Variants in UXS1 observed in about 807,000 individuals in gnomAD.
The protein encoded by UXS1 is UDP-glucuronic acid decarboxylase 1.
A neutral mutation model predicts 62.6 loss-of-function variants in UXS1; 33 were observed. That is an observed-to-expected ratio of 0.53 (90% CI 0.40 to 0.70). The LOEUF (loss-of-function observed/expected upper bound fraction) is 0.70. Ranked by LOEUF, UXS1 falls within the 30% of genes least tolerant of loss-of-function variation. The pLI, the probability that UXS1 is intolerant of heterozygous loss-of-function variation, is 0.00. For missense variants in UXS1, 434 were observed against 556.3 expected (o/e 0.78, Z 2.21); for synonymous variants, 213 against 206.8 (o/e 1.03, Z -0.26).
chr2:106,103,090 C>G (rs1677727079), intron 11 of UXS1: 1 of 152,436 alleles, frequency 6.6e-6, no homozygotes. Context: ...CCACGACCAT[C>G]AAAGCAGGCA....
rs1416985299 is a variant in UXS1, at chr2:106,158,169, A to G, written c.231-51T>C. On this transcript the variant is annotated intron_variant, in intron 4 of 14. Coordinates refer to ENST00000283148, the MANE Select transcript of UXS1 (RefSeq NM_001253875.2). ...GGAAAAAGTCAAACATCTCATTTGA[A>G]TATTTTCTCTGTCTACCATCAAAGC... 5 of 1,437,080 alleles carry G rather than the reference A, an allele frequency of 3.5e-6. No individual in the cohort carries two copies. The African/African-American group carries it at 7.1e-5, about 20-fold the overall frequency. The allele number at this position is 1,437,080 out of a possible 1,614,324, so 89.0% of individuals were successfully genotyped here.
intron 11 of UXS1, among the ~76,000 whole-genome samples, 164 bp downstream of exon 11, chr2:106,104,630 G>A (rs1486901454): frequency 6.6e-6 from 1 of 152,174 alleles, no homozygotes; most frequent in African/African-American, 2.4e-5. Flanking sequence ...TTTAAACAGA[G>A]AACAGCAAGT....
At chr2:106,151,259 T>C (rs975942652) in intron 5 of UXS1, among the ~76,000 whole-genome samples, 1 of 152,182 alleles carries the variant, frequency 6.6e-6, no homozygotes, top group Admixed American at 6.5e-5. Flanking sequence ...ACATTTTGCA[T>C]GTAAGAAGGA....
At chr2:106,100,127 G>A (rs927105628) in intron 12 of UXS1, among the ~76,000 whole-genome samples, 1 of 152,218 alleles carries the variant, frequency 6.6e-6, no homozygotes, top group African/African-American at 2.4e-5. Flanking sequence ...CCCCAAGGTA[G>A]GGTTAAGGGG....
chr2:106,163,345 C>A (rs1407712481), intron 4 of UXS1, among the ~76,000 whole-genome samples: 1 of 152,208 alleles, frequency 6.6e-6, no homozygotes, highest in Non-Finnish European at 1.5e-5. Context: ...TTCAGGCCCA[C>A]TGGATTGTCC....
rs550318437 is a variant in UXS1 at position 106,156,899 on chromosome 2, C to G, written c.291+1159G>C. 3.3e-5 allele frequency among the ~76,000 whole-genome samples: 5 copies of G among 152,218 alleles called. No individual in the cohort carries two copies. The East Asian group carries it at 9.6e-4, about 29-fold the overall frequency. ...AATAAACTGTGGTATATTCATATAA[C>G]AGATTATTTGGTAATAAAAATATAT... On this transcript the variant is annotated intron_variant, in intron 5 of 14. Coordinates refer to ENST00000283148, the MANE Select transcript of UXS1 (RefSeq NM_001253875.2).
chr2:106,129,851 C>G (rs1307568399), intron 6 of UXS1, 73 bp from the exon 7 acceptor site: 9 of 894,996 alleles, frequency 1.0e-5, no homozygotes, highest in African/African-American at 3.4e-5. Context: ...AGGATATATA[C>G]TGTATAATAA....
intron 1 of UXS1, among the ~76,000 whole-genome samples, chr2:106,183,261 G>C (rs1349178032): frequency 9.0e-6 from 1 of 111,344 alleles, no homozygotes; most frequent in Non-Finnish European, 1.9e-5. Flanking sequence ...AAAAAAAAAA[G>C]CAAGGTCACC....
chr2:106,124,969 G>T (rs1679809854), intron 8 of UXS1, among the ~76,000 whole-genome samples: 1 of 152,178 alleles, frequency 6.6e-6, no homozygotes, highest in African/African-American at 2.4e-5. Flanking sequence ...GGCTTCCGCT[G>T]TATCAGCTAA....
chr2:106,122,482 T>C (rs1679602761), intron 9 of UXS1, among the ~76,000 whole-genome samples: 2 of 152,154 alleles, frequency 1.3e-5, no homozygotes, highest in Non-Finnish European at 2.9e-5. Context: ...TGCTATAACA[T>C]GCAGGTGACC....
At chr2:106,180,104 G>A (rs537270303) in intron 1 of UXS1, among the ~76,000 whole-genome samples, 20 of 152,292 alleles carry the variant, frequency 1.3e-4, no homozygotes, top group South Asian at 6.2e-4. Context: ...GCGAGACTCC[G>A]TCTCAAAAAA....
At chr2:106,140,735 G>C (rs925607718) in intron 6 of UXS1, among the ~76,000 whole-genome samples, 3 of 152,214 alleles carry the variant, frequency 2.0e-5, no homozygotes, top group Non-Finnish European at 4.4e-5. Flanking sequence ...GATTAGAATA[G>C]CATTTGGAAT....
chr2:106,103,879 C>G (rs1367538781), intron 11 of UXS1, among the ~76,000 whole-genome samples: 1 of 152,148 alleles, frequency 6.6e-6, no homozygotes. Flanking sequence ...CTCCACGGGA[C>G]TCCTACCCAG....
chr2:106,095,662 C>A (rs759228227), intron 14 of UXS1, among the ~76,000 whole-genome samples: 1 of 152,228 alleles, frequency 6.6e-6, no homozygotes, highest in Admixed American at 6.5e-5. Flanking sequence ...CAGGGCTACA[C>A]TACACGCCTC....
intron 1 of UXS1, among the ~76,000 whole-genome samples, chr2:106,184,143 A>G (rs947957130): frequency 1.3e-5 from 2 of 152,170 alleles, no homozygotes; most frequent in African/African-American, 4.8e-5. Context: ...AGTGAGGCAA[A>G]ATCGCACCAC....
Position 106,112,646 on chromosome 2 carries a change from C to T in UXS1, c.879G>A (p.Thr293=), listed in dbSNP as rs200927199. 1.6e-5 allele frequency: 26 copies of T among 1,613,690 alleles called. No homozygotes were observed. The highest frequency in any genetic ancestry group is 1.6e-4 in the Middle Eastern group (1 of 6,084). Residue 293 remains threonine (T), a splice_region_variant and synonymous_variant, in exon 10 of 15, where the codon ACG becomes ACA. Transcript: ENST00000283148. ...ILQALQGEPL[T]VYGSGSQTRA... is the part of the protein sequence containing the mutation. ...TCCCTGAGCCGAGGCCAGCACCTAC[C>T]GTGAGTGGCTCCCCCTGGAGCGCCT...
At chr2:106,144,204 C>T (rs940162958) in intron 6 of UXS1, among the ~76,000 whole-genome samples, 2 of 152,166 alleles carry the variant, frequency 1.3e-5, no homozygotes, top group Non-Finnish European at 2.9e-5. Flanking sequence ...ATCTACATAG[C>T]CTGTTATACT....
At chr2:106,179,832 G>T (rs1375265207) in intron 1 of UXS1, among the ~76,000 whole-genome samples, 1 of 152,166 alleles carries the variant, frequency 6.6e-6, no homozygotes, top group Non-Finnish European at 1.5e-5. Context: ...CCACGGCCAG[G>T]TGTGGTGGCT....
chr2:106,182,479 G>GT (rs1440651071), intron 1 of UXS1, among the ~76,000 whole-genome samples: 1 of 152,118 alleles, frequency 6.6e-6, no homozygotes, highest in Non-Finnish European at 1.5e-5. Context: ...CATTTCTCCT[G>GT]TATTTTGTAA....
Sources: allele counts gnomAD v4.1 joint callset (sites outside exome capture counted in the v4.1 genomes callset), GRCh38; gene constraint gnomAD v4.1.1; transcripts MANE v1.5; gene names NCBI Gene and HGNC (gene_info 2026-07-23, HGNC 2026-07-21).